The following ZFYVE26 variants were observed in gnomAD, a reference collection of about 807,000 sequenced individuals.
ZFYVE26 encodes zinc finger FYVE domain-containing protein 26.
Under a neutral mutation model 276.5 loss-of-function variants are expected in ZFYVE26, and 181 were observed. That is an observed-to-expected ratio of 0.65 (90% CI 0.58 to 0.74). The LOEUF (loss-of-function observed/expected upper bound fraction) is 0.74, where lower values mean the gene tolerates loss of function less well. Among genes scored for constraint, ZFYVE26 ranks in the 30% least tolerant of loss-of-function variants. The pLI is 0.00. For missense variants in ZFYVE26, 2,821 were observed against 3,097.9 expected, an observed-to-expected ratio of 0.91 and a Z score of 2.12; for synonymous variants, 1,129 against 1,203.1, an observed-to-expected ratio of 0.94 and a Z score of 1.27.
chr14:67,770,960 T>A (rs916904774), intron 28 of ZFYVE26, among the ~76,000 whole-genome samples: 7 of 428 alleles, frequency 0.016, no homozygotes, highest in African/African-American at 0.017. Flanking sequence ...TCCTAATATC[T>A]TTTTTTTTTT....
intron 29 of ZFYVE26, 60 bp downstream of exon 29, chr14:67,769,533 AG>A: frequency 6.2e-7 from 1 of 1,611,032 alleles, no homozygotes; most frequent in East Asian, 2.2e-5. Flanking sequence ...CTAGGAGTGT[AG>A]GGACCTGCGG....
Position 67,762,309 on chromosome 14 carries a change from C to A in ZFYVE26, c.6263G>T (p.Arg2088Leu). 1.2e-6 allele frequency: 2 copies of A among 1,614,154 alleles called. No homozygotes were observed. Among genetic ancestry groups the A allele is most frequent in the Non-Finnish European group, 8.5e-7 (1 of 1,180,034 alleles). ...NLTAAREKFS[R>L]CLKPPFDLNQ... ...GAGGTCAAATGGGGGCTTCAGACAG[C>A]GACTGAACTTCTCCCGTGCAGCAGT... is the stretch of plus-strand genomic sequence containing the variant. Residue 2088 changes from arginine (R) to leucine (L), a missense_variant, in exon 34 of 42, where the codon CGC becomes CTC. Coordinates refer to ENST00000347230, the MANE Select transcript of ZFYVE26 (RefSeq NM_015346.4).
At chr14:67,799,042 A>T in intron 10 of ZFYVE26, 1 of 1,180,062 alleles carries the variant, frequency 8.5e-7, no homozygotes, top group Non-Finnish European at 1.3e-6. Flanking sequence ...CCAGTGACAA[A>T]GAACAGAGAG....
chr14:67,769,156 A>G (rs950693833), intron 29 of ZFYVE26, among the ~76,000 whole-genome samples: 6 of 152,174 alleles, frequency 3.9e-5, no homozygotes, highest in Non-Finnish European at 5.9e-5. Flanking sequence ...AGGCTCTTCT[A>G]ATTACGGATT....
At position 67,748,286 on chromosome 14, in the gene ZFYVE26, G is replaced by T; in HGVS notation, c.*150C>A. 1.2e-6 allele frequency: 1 copy of T among 831,032 alleles called. No homozygotes were observed. The highest frequency in any genetic ancestry group is 1.8e-6 in the Non-Finnish European group (1 of 540,816). The allele number at this position is 831,032 out of a possible 1,614,324, so 51.5% of individuals were successfully genotyped here. ...TGCGTGAAAGGTCCTATCCTTGCCCGGGAAGGCAAGTAGGGTCCAATCCAA... is the reference window on the plus strand; with the variant it reads ...TGCGTGAAAGGTCCTATCCTTGCCCTGGAAGGCAAGTAGGGTCCAATCCAA... On this transcript the variant is annotated 3_prime_UTR_variant, in exon 42 of 42. Transcript: ENST00000347230.
chr14:67,815,023 G>T (rs2040373993), intron 2 of ZFYVE26, among the ~76,000 whole-genome samples: 1 of 152,198 alleles, frequency 6.6e-6, no homozygotes, highest in Non-Finnish European at 1.5e-5. Context: ...ATCAAGGATG[G>T]AGAACTGTGG....
At chr14:67,803,539 CA>C (rs2040119176) in intron 9 of ZFYVE26, among the ~76,000 whole-genome samples, 1 of 152,070 alleles carries the variant, frequency 6.6e-6, no homozygotes, top group Non-Finnish European at 1.5e-5. Flanking sequence ...GACGGGGTTT[CA>C]CCATGTTGGC....
At chr14:67,750,764 G>A in intron 41 of ZFYVE26, 1 of 486,592 alleles carries the variant, frequency 2.1e-6, no homozygotes, top group East Asian at 3.9e-5. Flanking sequence ...AGGGCTCTCT[G>A]AGAGAAGACA....
At chr14:67,802,514 A>G (rs1052432872) in intron 9 of ZFYVE26, among the ~76,000 whole-genome samples, 2 of 151,894 alleles carry the variant, frequency 1.3e-5, no homozygotes, top group African/African-American at 2.4e-5. Context: ...TACATATCTC[A>G]TGACTTCTAC....
downstream of ZFYVE26, among the ~76,000 whole-genome samples, chr14:67,744,532 G>T (rs1039531224): frequency 6.6e-6 from 1 of 152,068 alleles, no homozygotes; most frequent in African/African-American, 2.4e-5. Context: ...AGCCCTGCAC[G>T]CATTAGGTAT....
intron 27 of ZFYVE26, among the ~76,000 whole-genome samples, chr14:67,773,415 G>A (rs952737955): frequency 6.6e-6 from 1 of 151,856 alleles, no homozygotes; most frequent in East Asian, 1.9e-4. Context: ...ACCAGGCAAT[G>A]GTGGTGTGTG....
In ZFYVE26 at chr14:67,799,461, G is replaced by C; in HGVS notation, c.1640-839C>G. On this transcript the variant is annotated intron_variant, in intron 10 of 41. Transcript: ENST00000347230. ...AGAAAGGAGTTGGGGCTTGATGAAGGCGTGGATAGCCTGAAGGCAGCCATT... is the reference window on the plus strand; with the variant it reads ...AGAAAGGAGTTGGGGCTTGATGAAGCCGTGGATAGCCTGAAGGCAGCCATT... 6 of 1,611,640 alleles carry C rather than the reference G, an allele frequency of 3.7e-6. No individual in the cohort carries two copies. In the Middle Eastern group the frequency reaches 6.4e-4, roughly 171 times the overall value.
rs1269807196 is a variant in ZFYVE26 at position 67,778,141 on chromosome 14, A to T, written c.4782T>A (p.His1594Gln). 1.9e-6 allele frequency: 3 copies of T among 1,614,234 alleles called. No individual in the cohort carries two copies. The highest frequency in any genetic ancestry group is 1.7e-6 in the Non-Finnish European group (2 of 1,180,022). The change falls in exon 24 of 42, where the codon CAT (histidine) becomes CAA (glutamine). Residue 1594 changes from histidine (H) to glutamine (Q), a missense_variant. Transcript: ENST00000347230. ...GGGGGCTTACTTGCAGAGCCTTGTC[A>T]TGATCTCTTCTTTCTAGAAGGTGGA... ...HLLHLLERRD[H>Q]DKALQLLRRI...
Position 67,772,123 on chromosome 14 carries a change from G to A in ZFYVE26, c.5408C>T (p.Pro1803Leu). 6.2e-7 allele frequency: 1 copy of A among 1,613,040 alleles called. No homozygotes were observed. Among genetic ancestry groups the A allele is most frequent in the South Asian group, 1.1e-5 (1 of 90,820 alleles). ...PSQEFVPPAT[P>L]PARHQWVPDE... Reference sequence around the variant, plus strand: ...CGGTACCCACTGGTGCCTGGCAGGGGGTGTCGCTGGGGGCACAAATTCCTG... The same window carrying A: ...CGGTACCCACTGGTGCCTGGCAGGGAGTGTCGCTGGGGGCACAAATTCCTG... Residue 1803 changes from proline (P) to leucine (L), a missense_variant, in exon 28 of 42, where the codon CCC becomes CTC. By Grantham distance (98) the Pro-to-Leu change is moderately conservative (BLOSUM62 -3). Coordinates refer to ENST00000347230, the MANE Select transcript of ZFYVE26 (RefSeq NM_015346.4).
chr14:67,797,885 C>T (rs775546990), intron 11 of ZFYVE26, 129 bp downstream of exon 11: 2 of 1,584,018 alleles, frequency 1.3e-6, no homozygotes, highest in African/African-American at 2.7e-5. Flanking sequence ...TGTTCTGACA[C>T]TGGTTGCCAT....
rs769002925 is a variant in ZFYVE26 at position 67,790,553 on chromosome 14, G to A, written c.2755+19C>T. On this transcript the variant is annotated intron_variant, in intron 15 of 41. Coordinates refer to ENST00000347230, the MANE Select transcript of ZFYVE26 (RefSeq NM_015346.4). ...TCCCAGCCACCTCACCACTTATGGT[G>A]TTAGCAGGGAAGCCTGACCTGCTGC... 1 of 1,612,178 alleles carries A rather than the reference G, an allele frequency of 6.2e-7. No homozygotes were observed. Among genetic ancestry groups the A allele is most frequent in the South Asian group, 1.1e-5 (1 of 90,988 alleles).
chr14:67,811,652 T>C, intron 3 of ZFYVE26, among the ~76,000 whole-genome samples: 1 of 151,698 alleles, frequency 6.6e-6, no homozygotes, highest in East Asian at 1.9e-4. Flanking sequence ...ATATAAAACA[T>C]ATGTATGTCC....
chr14:67,777,857 C>G (rs2039388069), intron 24 of ZFYVE26, 122 bp from the exon 25 acceptor site: 1 of 1,310,154 alleles, frequency 7.6e-7, no homozygotes, highest in Admixed American at 1.9e-5. Context: ...TCTCTATACT[C>G]CTTTTTTTTT....
At chr14:67,729,589 T>G in exon 14 of ZFYVE26, 3 of 642,338 alleles carry the variant, frequency 4.7e-6, no homozygotes, top group Non-Finnish European at 8.3e-6. Context: ...GGCTTTATTT[T>G]ATACTCGTGT....
Sources: allele counts gnomAD v4.1 joint callset (sites outside exome capture counted in the v4.1 genomes callset), GRCh38; gene constraint gnomAD v4.1.1; transcripts MANE v1.5; gene names NCBI Gene and HGNC (gene_info 2026-07-23, HGNC 2026-07-21).